GRID2: variants seen among roughly 807,000 people sequenced by gnomAD.
GRID2 encodes glutamate receptor ionotropic, delta-2.
In GRID2, 33 loss-of-function variants were observed where a neutral mutation model predicts 114.8. That is an observed-to-expected ratio of 0.29 (90% confidence interval 0.22 to 0.38). GRID2 has a LOEUF of 0.38. Among genes scored for constraint, GRID2 ranks in the 10% least tolerant of loss-of-function variants. GRID2 has a pLI of 1.00. For synonymous variants in GRID2, 505 were observed against 449.9 expected, an observed-to-expected ratio of 1.12 and a Z score of -1.55; for missense variants, 1,184 against 1,257.7, an observed-to-expected ratio of 0.94 and a Z score of 0.89.
intron 1 of GRID2, among the ~76,000 whole-genome samples, chr4:92,375,256 A>G (rs944428951): frequency 5.9e-5 from 9 of 152,204 alleles, no homozygotes; most frequent in Admixed American, 2.0e-4. Context: ...TAAGAAAGAC[A>G]TAGAATCATG....
At chr4:92,385,136 A>G (rs1001136245) in intron 1 of GRID2, among the ~76,000 whole-genome samples, 17 of 151,860 alleles carry the variant, frequency 1.1e-4, no homozygotes, top group South Asian at 4.1e-4. Flanking sequence ...TTCCTGCTAT[A>G]AATGTTGATA....
rs950502789 is a variant in GRID2, at chr4:93,362,852, A to G, written c.1246-32755A>G. Among the ~76,000 whole-genome samples, 6 of 152,162 alleles carry G rather than the reference A, an allele frequency of 3.9e-5. No individual in the cohort carries two copies. The East Asian group carries it at 7.7e-4, about 20-fold the overall frequency. The stretch of plus-strand genomic sequence containing the variant: ...ACTCTTATGAGTGTACTCTTACACC[A>G]TATACTATCATGCAAGCTCTATACT... On this transcript the variant is annotated intron_variant, in intron 8 of 15. Transcript: ENST00000282020.
intron 2 of GRID2, among the ~76,000 whole-genome samples, chr4:92,998,814 G>A (rs1053839208): frequency 6.6e-6 from 1 of 150,650 alleles, no homozygotes; most frequent in African/African-American, 2.4e-5. Context: ...TTATGTTAAA[G>A]AGGATCATTT....
chr4:93,180,203 TCACAC>T (rs1739757134), intron 4 of GRID2, among the ~76,000 whole-genome samples: 3 of 152,034 alleles, frequency 2.0e-5, no homozygotes, highest in African/African-American at 7.2e-5. Flanking sequence ...TTTGGAGACA[TCACAC>T]GATGTCTCCA....
At chr4:92,423,267 T>C (rs1731994616) in intron 1 of GRID2, among the ~76,000 whole-genome samples, 1 of 152,136 alleles carries the variant, frequency 6.6e-6, no homozygotes. Flanking sequence ...GAGTTAAGGA[T>C]CATCCTAATT....
At chr4:92,891,464 C>G (rs1746777583) in intron 2 of GRID2, among the ~76,000 whole-genome samples, 1 of 152,108 alleles carries the variant, frequency 6.6e-6, no homozygotes, top group Admixed American at 6.5e-5. Flanking sequence ...GGTTGTTTAT[C>G]TGTTCTCTAA....
At chr4:92,481,477 C>A (rs1249358637) in intron 1 of GRID2, among the ~76,000 whole-genome samples, 2 of 152,056 alleles carry the variant, frequency 1.3e-5, no homozygotes, top group African/African-American at 4.8e-5. Context: ...TTCCTCATTG[C>A]TTGTTTTTGT....
At chr4:92,912,812 C>CA (rs1428935618) in intron 2 of GRID2, among the ~76,000 whole-genome samples, 5 of 151,406 alleles carry the variant, frequency 3.3e-5, no homozygotes, top group African/African-American at 1.2e-4. Context: ...GCAGTGGTTC[C>CA]AAAAAAAGTG....
intron 2 of GRID2, among the ~76,000 whole-genome samples, chr4:92,993,244 A>G (rs1363222186): frequency 6.6e-6 from 1 of 151,374 alleles, no homozygotes; most frequent in Non-Finnish European, 1.5e-5. Flanking sequence ...TCATTTGGCT[A>G]TTCTTGAAAA....
At chr4:92,334,485 G>A (rs147115634) in intron 1 of GRID2, among the ~76,000 whole-genome samples, 21 of 152,240 alleles carry the variant, frequency 1.4e-4, no homozygotes, top group African/African-American at 4.6e-4. Flanking sequence ...CAAGAGCATG[G>A]TGGTGGTATT....
chr4:93,750,681 G>A (rs112989210), intron 14 of GRID2, among the ~76,000 whole-genome samples: 4 of 151,926 alleles, frequency 2.6e-5, no homozygotes, highest in Non-Finnish European at 5.9e-5. Context: ...GCGTGAACCC[G>A]GGAGGCAGAG....
At chr4:93,806,249 C>A (rs969415078) in intron 1 of GRID2, among the ~76,000 whole-genome samples, 4 of 152,126 alleles carry the variant, frequency 2.6e-5, no homozygotes, top group African/African-American at 9.7e-5. Context: ...TGGTCTGGAA[C>A]CAATAACTAA....
intron 14 of GRID2, among the ~76,000 whole-genome samples, chr4:93,646,410 T>C (rs1242149667): frequency 6.6e-6 from 1 of 152,114 alleles, no homozygotes; most frequent in Non-Finnish European, 1.5e-5. Context: ...AAGGAATGAC[T>C]AGGAGGCCAA....
chr4:93,589,540 T>C (rs189865665), intron 13 of GRID2, among the ~76,000 whole-genome samples: 123 of 152,252 alleles, frequency 8.1e-4, no homozygotes, highest in African/African-American at 2.9e-3. Context: ...TATAGCAGCA[T>C]GATTTATAGT....
At chr4:92,381,123 A>G (rs1729601600) in intron 1 of GRID2, among the ~76,000 whole-genome samples, 1 of 152,028 alleles carries the variant, frequency 6.6e-6, no homozygotes, top group Non-Finnish European at 1.5e-5. Context: ...TTATATGTGT[A>G]ATGTACTTTA....
At chr4:93,149,698 A>G (rs888771368) in intron 4 of GRID2, among the ~76,000 whole-genome samples, 19 of 152,106 alleles carry the variant, frequency 1.2e-4, no homozygotes, top group African/African-American at 4.6e-4. Context: ...TGGTGGCACA[A>G]TCATAACTCA....
chr4:92,803,331 A>G (rs1394600414), intron 2 of GRID2, among the ~76,000 whole-genome samples: 1 of 152,034 alleles, frequency 6.6e-6, no homozygotes. Context: ...ATTAGATATT[A>G]TACAATGCAT....
Position 93,702,967 on chromosome 4 carries a change from A to C in GRID2, c.2361-66243A>C, listed in dbSNP as rs529152786. 2.0e-5 allele frequency among the ~76,000 whole-genome samples: 3 copies of C among 152,230 alleles called. No homozygotes were observed. The South Asian group carries it at 6.2e-4, about 32-fold the overall frequency. On this transcript the variant is annotated intron_variant, in intron 14 of 15. Coordinates refer to ENST00000282020, the MANE Select transcript of GRID2 (RefSeq NM_001510.4). ...AGATGCAATTTTAAATACAGAGATC[A>C]AGGAAAACTGTACTAGGAGGTGATA...
chr4:93,103,102 C>A (rs181416770), intron 3 of GRID2, among the ~76,000 whole-genome samples: 1 of 152,058 alleles, frequency 6.6e-6, no homozygotes, highest in African/African-American at 2.4e-5. Context: ...TGACTACCTT[C>A]CTTATGAATT....
Sources: allele counts gnomAD v4.1 joint callset (sites outside exome capture counted in the v4.1 genomes callset), GRCh38; gene constraint gnomAD v4.1.1; transcripts MANE v1.5; gene names NCBI Gene and HGNC (gene_info 2026-07-23, HGNC 2026-07-21).